QTMAN: variants seen among roughly 807,000 people sequenced by gnomAD.
QTMAN encodes the protein queuosine-tRNA mannosyltransferase.
At chr2:143,944,395 A>T in the QTMAN span, 1 of 152,178 alleles carries the variant, frequency 6.6e-6, no homozygotes, top group African/African-American at 2.4e-5. Flanking sequence ...TATCATGCAA[A>T]TAAGTGACAC....
chr2:143,957,332 AAAAATATCTTTTAAAAAC>A, the QTMAN span: 2 of 1,582,794 alleles, frequency 1.3e-6, no homozygotes, highest in Non-Finnish European at 1.7e-6. Flanking sequence ...TGGCCTCTGA[AAAAATATCTTTTAAAAAC>A]AAGAAAAAGA....
At chr2:143,961,494 G>A in the QTMAN span, among the ~76,000 whole-genome samples, 8 of 151,972 alleles carry the variant, frequency 5.3e-5, no homozygotes, top group Admixed American at 3.9e-4. Context: ...TAGTAATGTC[G>A]ATCTTTTCCA....
At chr2:144,319,501 A>G in the QTMAN span, among the ~76,000 whole-genome samples, 1 of 152,136 alleles carries the variant, frequency 6.6e-6, no homozygotes, top group Non-Finnish European at 1.5e-5. Flanking sequence ...ACATTCCCCA[A>G]GTAAAGCTCA....
the QTMAN span, among the ~76,000 whole-genome samples, chr2:144,277,618 C>A: frequency 6.6e-6 from 1 of 152,080 alleles, no homozygotes; most frequent in Non-Finnish European, 1.5e-5. Flanking sequence ...TATTTAGATT[C>A]TTACACTGCT....
chr2:144,076,203 C>T, the QTMAN span, among the ~76,000 whole-genome samples: 19 of 152,140 alleles, frequency 1.2e-4, no homozygotes, highest in South Asian at 6.2e-4. Flanking sequence ...GCCAAGATTG[C>T]GCCACTGCAC....
At chr2:144,291,636 A>G in the QTMAN span, among the ~76,000 whole-genome samples, 4 of 152,204 alleles carry the variant, frequency 2.6e-5, no homozygotes. Context: ...CTTTTAAACC[A>G]GCTGGCTCTT....
the QTMAN span, among the ~76,000 whole-genome samples, chr2:144,104,556 G>C: frequency 1.1e-4 from 16 of 152,164 alleles, no homozygotes; most frequent in East Asian, 5.8e-4. Context: ...AGTGAGGCTG[G>C]GGGAGGGGCG....
At chr2:143,952,369 T>C in the QTMAN span, among the ~76,000 whole-genome samples, 3 of 151,540 alleles carry the variant, frequency 2.0e-5, no homozygotes, top group African/African-American at 7.2e-5. Context: ...ACTGGTACTA[T>C]AGCCTTATGT....
the QTMAN span, among the ~76,000 whole-genome samples, chr2:144,327,698 G>A: frequency 4.7e-4 from 71 of 152,246 alleles, no homozygotes; most frequent in African/African-American, 1.4e-3. Flanking sequence ...CCAGAAAACA[G>A]TATCACAGGA....
the QTMAN span, among the ~76,000 whole-genome samples, chr2:143,968,598 G>C: frequency 1.7e-4 from 26 of 152,250 alleles, no homozygotes; most frequent in Non-Finnish European, 2.8e-4. Flanking sequence ...TGTAGTGGTG[G>C]CCTGAAAGTA....
chr2:144,007,658 AAAAATTCCAG>A, the QTMAN span: 1 of 651,698 alleles, frequency 1.5e-6, no homozygotes, highest in East Asian at 3.0e-5. Flanking sequence ...GATGTTATAC[AAAAATTCCAG>A]AAAAAGTGTA....
chr2:144,270,983 G>A, the QTMAN span, among the ~76,000 whole-genome samples: 8 of 152,020 alleles, frequency 5.3e-5, no homozygotes, highest in Non-Finnish European at 8.8e-5. Context: ...TTCCTTGAGC[G>A]GGGTTCACTT....
the QTMAN span, chr2:144,005,849 T>C: frequency 6.6e-6 from 1 of 152,128 alleles, no homozygotes; most frequent in Non-Finnish European, 1.5e-5. Context: ...CATATTGCTG[T>C]TTTGTAAAAG....
chr2:144,238,506 T>C, the QTMAN span, among the ~76,000 whole-genome samples: 1 of 152,164 alleles, frequency 6.6e-6, no homozygotes, highest in Non-Finnish European at 1.5e-5. Flanking sequence ...AAACTAGCTG[T>C]TGCCTGCAAC....
the QTMAN span, among the ~76,000 whole-genome samples, chr2:144,037,314 T>C: frequency 6.6e-6 from 1 of 152,250 alleles, no homozygotes; most frequent in Admixed American, 6.5e-5. Context: ...TCAATACATT[T>C]TTGTACAACA....
chr2:143,967,156 T>C, the QTMAN span, among the ~76,000 whole-genome samples: 1 of 151,944 alleles, frequency 6.6e-6, no homozygotes, highest in Admixed American at 6.6e-5. Flanking sequence ...TCAATGGGAG[T>C]ATCATGAGCA....
At chr2:144,107,799 A>C in the QTMAN span, among the ~76,000 whole-genome samples, 2 of 152,126 alleles carry the variant, frequency 1.3e-5, no homozygotes, top group Non-Finnish European at 2.9e-5. Flanking sequence ...GAGACACAAC[A>C]AAAAAAGAGA....
At chr2:144,290,038 T>G in the QTMAN span, among the ~76,000 whole-genome samples, 1 of 152,128 alleles carries the variant, frequency 6.6e-6, no homozygotes, top group African/African-American at 2.4e-5. Flanking sequence ...CTGTTCAAAC[T>G]GTGTTCAAAT....
the QTMAN span, among the ~76,000 whole-genome samples, chr2:144,281,167 A>G: frequency 1.3e-5 from 2 of 149,780 alleles, no homozygotes; most frequent in African/African-American, 4.9e-5. Flanking sequence ...TAACAATATC[A>G]ATGTTGCCTG....
Sources: allele counts gnomAD v4.1 joint callset (sites outside exome capture counted in the v4.1 genomes callset), GRCh38; gene constraint gnomAD v4.1.1; transcripts MANE v1.5; gene names NCBI Gene and HGNC (gene_info 2026-07-23, HGNC 2026-07-21).